The following GABRA5 variants were observed in gnomAD, a reference collection of about 807,000 sequenced individuals.
GABRA5 encodes the protein gamma-aminobutyric acid type A receptor subunit alpha5, also known as gamma-aminobutyric acid receptor subunit alpha-5.
Under a neutral mutation model 47.3 loss-of-function variants are expected in GABRA5, and 18 were observed. The ratio of observed to expected loss-of-function variants is 0.38; its 90% CI spans 0.26 to 0.56. The LOEUF (loss-of-function observed/expected upper bound fraction) is 0.56, where lower values mean the gene tolerates loss of function less well. GABRA5 is among the 20% of genes least tolerant of loss of function. The probability of loss-of-function intolerance (pLI) is 0.71; values close to 1 mark genes in which losing one functional copy is unlikely to be tolerated. For synonymous variants in GABRA5, 237 were observed against 229.3 expected, an observed-to-expected ratio of 1.03 and a Z score of -0.30; for missense variants, 365 against 599.3, an observed-to-expected ratio of 0.61 and a Z score of 4.08.
chr15:26,907,857 CT>C (rs1312636275), intron 6 of GABRA5, among the ~76,000 whole-genome samples: 1 of 152,200 alleles, frequency 6.6e-6, no homozygotes, highest in African/African-American at 2.4e-5. Flanking sequence ...CAGTGCCTAA[CT>C]ACAGGTATAC....
At chr15:26,882,592 A>C (rs1178709278) in intron 4 of GABRA5, among the ~76,000 whole-genome samples, 4 of 152,312 alleles carry the variant, frequency 2.6e-5, no homozygotes, top group Middle Eastern at 3.4e-3. Flanking sequence ...TTGAAATCAC[A>C]GTCTCCCATG....
chr15:26,947,894 T>G (rs760708550), intron 10 of GABRA5, 40 bp from the exon 11 acceptor site: 1 of 1,525,206 alleles, frequency 6.6e-7, no homozygotes, highest in Admixed American at 2.0e-5. Context: ...GACCATTGCC[T>G]GCAAATGGCG....
chr15:26,886,338 T>C (rs1410295953), intron 6 of GABRA5, among the ~76,000 whole-genome samples: 1 of 152,172 alleles, frequency 6.6e-6, no homozygotes, highest in African/African-American at 2.4e-5. Flanking sequence ...CAGTTTTAAT[T>C]CTAGAAGACA....
At chr15:26,934,303 G>C (rs1275204566) in intron 7 of GABRA5, among the ~76,000 whole-genome samples, 1 of 151,084 alleles carries the variant, frequency 6.6e-6, no homozygotes, top group Non-Finnish European at 1.5e-5. Flanking sequence ...AGAAAGAATG[G>C]GAAGCCTAGA....
At chr15:26,937,698 A>C (rs916837109) in intron 8 of GABRA5, among the ~76,000 whole-genome samples, 1 of 152,194 alleles carries the variant, frequency 6.6e-6, no homozygotes, top group Non-Finnish European at 1.5e-5. Flanking sequence ...TGGAGTTGAA[A>C]TTGGGAAAGC....
chr15:26,887,461 C>T (rs1292527456), intron 6 of GABRA5, among the ~76,000 whole-genome samples: 1 of 152,172 alleles, frequency 6.6e-6, no homozygotes, highest in East Asian at 1.9e-4. Flanking sequence ...TCCCAAGTAG[C>T]TGGGATTACA....
At chr15:26,912,314 C>G (rs948213975) in intron 6 of GABRA5, among the ~76,000 whole-genome samples, 13 of 152,228 alleles carry the variant, frequency 8.5e-5, no homozygotes, top group Non-Finnish European at 1.9e-4. Context: ...ATTTTGTCCT[C>G]AAGAACACAT....
intron 9 of GABRA5, among the ~76,000 whole-genome samples, chr15:26,941,332 C>G (rs1318215535): frequency 6.6e-6 from 1 of 151,904 alleles, no homozygotes; most frequent in African/African-American, 2.4e-5. Flanking sequence ...GAGGGAGATT[C>G]CCAATGCATG....
intron 6 of GABRA5, among the ~76,000 whole-genome samples, chr15:26,901,791 C>T (rs142565578): frequency 6.6e-6 from 1 of 152,148 alleles, no homozygotes; most frequent in African/African-American, 2.4e-5. Context: ...TTGCATTTAC[C>T]ATTTAGATCT....
intron 3 of GABRA5, among the ~76,000 whole-genome samples, chr15:26,877,252 G>A (rs958365061): frequency 6.6e-6 from 1 of 152,188 alleles, no homozygotes; most frequent in African/African-American, 2.4e-5. Flanking sequence ...GACCCTCACT[G>A]TCCAGCCAGT....
chr15:26,900,140 C>T (rs9672255), intron 6 of GABRA5, among the ~76,000 whole-genome samples: 3,059 of 152,088 alleles, frequency 0.02, 103 homozygotes, highest in African/African-American at 0.07. Flanking sequence ...AACTTAGTTT[C>T]AGTCATATAT....
At chr15:26,876,452 A>G (rs1892599458) in intron 3 of GABRA5, among the ~76,000 whole-genome samples, 1 of 152,196 alleles carries the variant, frequency 6.6e-6, no homozygotes, top group East Asian at 1.9e-4. Flanking sequence ...GGAAGAGGCA[A>G]GTAAAGGGAA....
In GABRA5 at chr15:26,948,357, T is replaced by A; in HGVS notation, c.*124T>A. Reference sequence around the variant, plus strand: ...TTTCAGGAAATTTTTGCATGTTTAATAATATGTACAAATAATATTGCCTTG... The same window carrying A: ...TTTCAGGAAATTTTTGCATGTTTAAAAATATGTACAAATAATATTGCCTTG... On this transcript the variant is annotated 3_prime_UTR_variant, in exon 11 of 11. Transcript: ENST00000335625. The A allele has an allele frequency of 1.2e-6, 1 of 818,402 alleles. No individual in the cohort carries two copies. Among genetic ancestry groups the A allele is most frequent in the Non-Finnish European group, 1.9e-6 (1 of 523,844 alleles). The allele number at this position is 818,402 out of a possible 1,614,324, so 50.7% of individuals were successfully genotyped here.
chr15:26,909,959 G>A (rs1389889735), intron 6 of GABRA5, among the ~76,000 whole-genome samples: 1 of 152,220 alleles, frequency 6.6e-6, no homozygotes, highest in Admixed American at 6.5e-5. Context: ...GATTTTAGTA[G>A]AATTTTGGAG....
intron 7 of GABRA5, among the ~76,000 whole-genome samples, chr15:26,924,501 T>C (rs1247507722): frequency 6.6e-6 from 1 of 152,206 alleles, no homozygotes; most frequent in Non-Finnish European, 1.5e-5. Context: ...TTGCCCCTGC[T>C]GGTTTAGATG....
At chr15:26,922,344 C>A (rs1893863446) in intron 7 of GABRA5, among the ~76,000 whole-genome samples, 2 of 152,082 alleles carry the variant, frequency 1.3e-5, no homozygotes, top group Admixed American at 1.3e-4. Flanking sequence ...GGAAATTTTT[C>A]TCTGCTTTGA....
Position 26,921,531 on chromosome 15 carries a change from C to A in GABRA5, c.580+6646C>A, listed in dbSNP as rs536283033. ...ATAGAGGTTTTTCAATTTTATTGAT[C>A]TTATTATTTGTAGCTCTTTGTTTCA... On this transcript the variant is annotated intron_variant, in intron 7 of 10. Coordinates refer to ENST00000335625, the MANE Select transcript of GABRA5 (RefSeq NM_000810.4). 1.4e-3 allele frequency among the ~76,000 whole-genome samples: 214 copies of A among 152,102 alleles called. 6 individuals carry two copies. The South Asian group carries it at 0.044, about 31-fold the overall frequency.
chr15:26,939,050 TG>T (rs1894317879), intron 8 of GABRA5, among the ~76,000 whole-genome samples: 1 of 152,164 alleles, frequency 6.6e-6, no homozygotes, highest in Admixed American at 6.5e-5. Context: ...ACGTTCACAG[TG>T]CATCCCAGCT....
At chr15:26,895,783 C>G (rs1439702025) in intron 6 of GABRA5, among the ~76,000 whole-genome samples, 1 of 145,476 alleles carries the variant, frequency 6.9e-6, no homozygotes, top group Non-Finnish European at 1.5e-5. Flanking sequence ...ACCGCACACT[C>G]CAGCCTGGGC....
Sources: allele counts gnomAD v4.1 joint callset (sites outside exome capture counted in the v4.1 genomes callset), GRCh38; gene constraint gnomAD v4.1.1; transcripts MANE v1.5; gene names NCBI Gene and HGNC (gene_info 2026-07-23, HGNC 2026-07-21).